NEK11: variants seen among roughly 807,000 people sequenced by gnomAD.
NEK11 encodes the protein serine/threonine-protein kinase Nek11.
A neutral mutation model predicts 80.7 loss-of-function variants in NEK11; 72 were observed. The ratio of observed to expected loss-of-function variants is 0.89; its 90% confidence interval spans 0.74 to 1.08. The LOEUF (loss-of-function observed/expected upper bound fraction) is 1.08, where lower values mean the gene tolerates loss of function less well. Among genes scored for constraint, NEK11 ranks in the 50% least tolerant of loss-of-function variants. The pLI, the probability that NEK11 is intolerant of heterozygous loss-of-function variation, is 0.00. For synonymous variants in NEK11, 251 were observed against 260.7 expected, an observed-to-expected ratio of 0.96 and a Z score of 0.36; for missense variants, 764 against 763.6, an observed-to-expected ratio of 1.00 and a Z score of -0.01.
intron 16 of NEK11, among the ~76,000 whole-genome samples, chr3:131,267,940 G>A (rs1338838744): frequency 6.6e-6 from 1 of 151,966 alleles, no homozygotes; most frequent in African/African-American, 2.4e-5. Flanking sequence ...TCTTCACATA[G>A]TCCCATATTT....
At chr3:131,082,199 T>C (rs977840867) in intron 4 of NEK11, among the ~76,000 whole-genome samples, 49 of 152,228 alleles carry the variant, frequency 3.2e-4, no homozygotes, top group Middle Eastern at 3.2e-3. Flanking sequence ...GAATATTTAC[T>C]CTGGCAAATA....
chr3:131,128,366 A>G (rs542333370), intron 5 of NEK11, among the ~76,000 whole-genome samples: 1 of 152,220 alleles, frequency 6.6e-6, no homozygotes, highest in Non-Finnish European at 1.5e-5. Context: ...TGTTGTCTCC[A>G]TAGTTTAACA....
intron 15 of NEK11, among the ~76,000 whole-genome samples, chr3:131,238,769 A>T (rs568747651): frequency 6.6e-6 from 1 of 152,116 alleles, no homozygotes; most frequent in Admixed American, 6.6e-5. Context: ...GAGCAAAAAG[A>T]TCATAGTGAG....
chr3:131,112,525 TA>T, intron 5 of NEK11, among the ~76,000 whole-genome samples: 1 of 152,312 alleles, frequency 6.6e-6, no homozygotes, highest in East Asian at 1.9e-4. Flanking sequence ...GATATATATG[TA>T]AAAAATCATC....
intron 15 of NEK11, among the ~76,000 whole-genome samples, chr3:131,234,405 T>C (rs2095393188): frequency 6.6e-6 from 1 of 152,214 alleles, no homozygotes; most frequent in African/African-American, 2.4e-5. Context: ...AAATCGACCT[T>C]AGAGGTCATC....
intron 14 of NEK11, among the ~76,000 whole-genome samples, chr3:131,225,928 T>C (rs975913983): frequency 3.3e-5 from 5 of 152,154 alleles, no homozygotes; most frequent in Admixed American, 6.6e-5. Context: ...TGGGCAACAA[T>C]GTAAATGATA....
At chr3:131,314,972 T>C (rs2096821795) in intron 17 of NEK11, among the ~76,000 whole-genome samples, 1 of 151,998 alleles carries the variant, frequency 6.6e-6, no homozygotes, top group African/African-American at 2.4e-5. Context: ...GAGCTTATTA[T>C]ATTTTATTTC....
At chr3:131,082,244 A>G (rs901895065) in intron 4 of NEK11, among the ~76,000 whole-genome samples, 2 of 152,230 alleles carry the variant, frequency 1.3e-5, no homozygotes, top group African/African-American at 4.8e-5. Flanking sequence ...AGATACTTGC[A>G]TATGCATATG....
intron 5 of NEK11, among the ~76,000 whole-genome samples, chr3:131,115,962 C>CTT (rs779955353): frequency 1.4e-5 from 2 of 140,870 alleles, no homozygotes; most frequent in Admixed American, 7.2e-5. Context: ...TTCTTTCTTT[C>CTT]TTTCTTTCTT....
At chr3:131,138,142 C>T (rs1483653459) in intron 7 of NEK11, among the ~76,000 whole-genome samples, 1 of 152,152 alleles carries the variant, frequency 6.6e-6, no homozygotes, top group Non-Finnish European at 1.5e-5. Flanking sequence ...TCTTGGATAG[C>T]ATTGCTGGAC....
At chr3:131,037,422 T>A (rs2065821630) in intron 3 of NEK11, among the ~76,000 whole-genome samples, 1 of 152,112 alleles carries the variant, frequency 6.6e-6, no homozygotes, top group Admixed American at 6.6e-5. Flanking sequence ...TAGCTGGGAT[T>A]ACAGGCACCC....
intron 2 of NEK11, among the ~76,000 whole-genome samples, chr3:131,028,306 G>A (rs938669044): frequency 4.6e-5 from 7 of 152,094 alleles, no homozygotes; most frequent in Non-Finnish European, 8.8e-5. Flanking sequence ...TGTGGTTGAC[G>A]GACACCACCA....
intron 16 of NEK11, among the ~76,000 whole-genome samples, chr3:131,255,110 AAGAAAGAAAGAAAGAAAG>A (rs1452345448): frequency 6.6e-6 from 1 of 151,022 alleles, no homozygotes; most frequent in African/African-American, 2.5e-5. Context: ...GAAAGAAAGA[AAGAAAGAAAGAAAGAAAG>A]AGAGAAAGAA....
intron 17 of NEK11, among the ~76,000 whole-genome samples, chr3:131,321,988 A>C (rs2096901897): frequency 6.6e-6 from 1 of 152,190 alleles, no homozygotes; most frequent in African/African-American, 2.4e-5. Flanking sequence ...CCCATTACTG[A>C]GTATATATCT....
chr3:131,270,387 C>A (rs1399904640), intron 16 of NEK11, among the ~76,000 whole-genome samples: 1 of 152,148 alleles, frequency 6.6e-6, no homozygotes, highest in Non-Finnish European at 1.5e-5. Context: ...CCAAGCCCTA[C>A]CCAAACCTAC....
intron 17 of NEK11, among the ~76,000 whole-genome samples, chr3:131,309,540 A>C (rs1052466781): frequency 1.3e-5 from 2 of 152,122 alleles, no homozygotes; most frequent in African/African-American, 4.8e-5. Context: ...GTGATGTTTC[A>C]TTACGTCTCA....
At chr3:131,058,869 C>A (rs1454131365) in intron 3 of NEK11, among the ~76,000 whole-genome samples, 1 of 152,042 alleles carries the variant, frequency 6.6e-6, no homozygotes, top group Non-Finnish European at 1.5e-5. Context: ...GGCAACTGGC[C>A]CAAATGGAAG....
At chr3:131,133,222 T>C (rs1169369231) in intron 6 of NEK11, 2 of 454,034 alleles carry the variant, frequency 4.4e-6, no homozygotes, top group Non-Finnish European at 4.4e-6. Flanking sequence ...AAAATGTTGA[T>C]ATAATGGCTT....
chr3:131,284,775 T>C lies in NEK11; in HGVS notation c.1718+11201T>C, dbSNP rs1300616717. On this transcript the variant is annotated intron_variant, in intron 17 of 17. Transcript: ENST00000383366. ...TGCTTCCTGCCCATCAGACTCCAAGTTCTTCAGCTCTTGGACTCTTGGACT... is the reference window on the plus strand; with the variant it reads ...TGCTTCCTGCCCATCAGACTCCAAGCTCTTCAGCTCTTGGACTCTTGGACT... Among the ~76,000 whole-genome samples, 3 of 152,314 alleles carry C rather than the reference T, an allele frequency of 2.0e-5. No homozygotes were observed. The East Asian group carries it at 5.8e-4, about 29-fold the overall frequency.
Sources: allele counts gnomAD v4.1 joint callset (sites outside exome capture counted in the v4.1 genomes callset), GRCh38; gene constraint gnomAD v4.1.1; transcripts MANE v1.5; gene names NCBI Gene and HGNC (gene_info 2026-07-23, HGNC 2026-07-21).